Variants in YEATS2 observed in about 807,000 individuals in gnomAD.
YEATS2 encodes YEATS domain-containing protein 2.
In YEATS2, 77 loss-of-function variants were observed where a neutral mutation model predicts 163.2. The ratio of observed to expected loss-of-function variants is 0.47; its 90% CI spans 0.39 to 0.57. The LOEUF (loss-of-function observed/expected upper bound fraction) is 0.57. Ranked by LOEUF, YEATS2 falls within the 20% of genes least tolerant of loss-of-function variation. The pLI is 0.00. For synonymous variants in YEATS2, 631 were observed against 645.1 expected, an observed-to-expected ratio of 0.98 and a Z score of 0.33; for missense variants, 1,549 against 1,729.8, an observed-to-expected ratio of 0.90 and a Z score of 1.85.
chr3:183,741,782 A>G (rs915642866), intron 8 of YEATS2, among the ~76,000 whole-genome samples: 1 of 152,126 alleles, frequency 6.6e-6, no homozygotes, highest in African/African-American at 2.4e-5. Context: ...CTCCATCTCA[A>G]AAAGAAAAAA....
chr3:183,763,880 C>T (rs934011473), intron 15 of YEATS2, among the ~76,000 whole-genome samples: 9 of 151,968 alleles, frequency 5.9e-5, no homozygotes, highest in South Asian at 2.1e-4. Context: ...CCAGCCTGTC[C>T]GACGTGGTGA....
intron 25 of YEATS2, chr3:183,801,838 C>T (rs1258711467): frequency 2.2e-5 from 5 of 223,180 alleles, no homozygotes; most frequent in South Asian, 7.0e-5. Context: ...AAGCATTTAG[C>T]GTTTGCCTGC....
At chr3:183,701,309 G>C (rs530896670) in intron 1 of YEATS2, among the ~76,000 whole-genome samples, 2 of 151,948 alleles carry the variant, frequency 1.3e-5, no homozygotes, top group African/African-American at 4.8e-5. Context: ...GGATGATCTC[G>C]ATCTCCTGAC....
chr3:183,771,704 C>T (rs1722492864), intron 15 of YEATS2, among the ~76,000 whole-genome samples: 1 of 145,472 alleles, frequency 6.9e-6, no homozygotes, highest in Admixed American at 7.0e-5. Flanking sequence ...AGATGTGTGC[C>T]ACTGTACTGG....
intron 7 of YEATS2, among the ~76,000 whole-genome samples, chr3:183,732,190 C>T (rs1387798103): frequency 1.3e-5 from 2 of 150,440 alleles, no homozygotes; most frequent in African/African-American, 4.9e-5. Context: ...GTGGCTCAAG[C>T]CTGTAATCCC....
At chr3:183,790,675 T>C in intron 20 of YEATS2, 122 bp from the exon 21 acceptor site, 1 of 1,028,098 alleles carries the variant, frequency 9.7e-7, no homozygotes, top group Non-Finnish European at 1.4e-6. Flanking sequence ...TGGCATTTAC[T>C]AAGTAGTCAT....
At chr3:183,735,283 C>G (rs1718220094) in intron 7 of YEATS2, among the ~76,000 whole-genome samples, 1 of 152,174 alleles carries the variant, frequency 6.6e-6, no homozygotes, top group African/African-American at 2.4e-5. Context: ...AGTAGAATTT[C>G]CATTAATTGA....
intron 3 of YEATS2, among the ~76,000 whole-genome samples, chr3:183,717,999 AG>A (rs1716087490): frequency 6.6e-6 from 1 of 152,144 alleles, no homozygotes; most frequent in Non-Finnish European, 1.5e-5. Context: ...ATAGCACAGC[AG>A]GGTGACTACA....
intron 15 of YEATS2, among the ~76,000 whole-genome samples, chr3:183,770,375 C>CA (rs997333447): frequency 2.2e-4 from 33 of 146,926 alleles, no homozygotes; most frequent in African/African-American, 5.8e-4. Flanking sequence ...GACTCCGTCT[C>CA]AAAAAAAAAC....
intron 1 of YEATS2, among the ~76,000 whole-genome samples, chr3:183,705,457 A>G (rs1271407509): frequency 1.3e-5 from 2 of 152,112 alleles, no homozygotes; most frequent in Non-Finnish European, 1.5e-5. Context: ...TTGATACTAT[A>G]TTGTTGGATG....
At chr3:183,782,567 G>T (rs1185851179) in intron 19 of YEATS2, among the ~76,000 whole-genome samples, 1 of 151,956 alleles carries the variant, frequency 6.6e-6, no homozygotes, top group Admixed American at 6.6e-5. Flanking sequence ...AGGATTACAG[G>T]CGCCTGCCAC....
intron 17 of YEATS2, 144 bp from the exon 18 acceptor site, chr3:183,775,764 GGGTAGGT>G: frequency 8.8e-7 from 1 of 1,142,718 alleles, no homozygotes; most frequent in Non-Finnish European, 1.3e-6. Context: ...TCTTGTCACA[GGGTAGGT>G]AGATTACAGA....
At chr3:183,798,821 G>A in intron 22 of YEATS2, 70 bp from the exon 23 acceptor site, 3 of 1,225,538 alleles carry the variant, frequency 2.4e-6, no homozygotes, top group Non-Finnish European at 3.6e-6. Context: ...GTTGTCACCT[G>A]GAAGTAGATC....
chr3:183,798,066 C>T lies in YEATS2; in HGVS notation c.3226+15C>T. On this transcript the variant is annotated intron_variant, in intron 22 of 30. Transcript: ENST00000305135. ...TGTGAATAAAGGTGAGTCCCTTGCC[C>T]ACGGGTCGTCTGTGCTGTGGCTGCC... 1 of 1,612,714 alleles carries T rather than the reference C, an allele frequency of 6.2e-7. No individual in the cohort carries two copies. The highest frequency in any genetic ancestry group is 1.1e-5 in the South Asian group (1 of 90,994).
At chr3:183,797,544 CAATA>C (rs111590921) in intron 21 of YEATS2, among the ~76,000 whole-genome samples, 4,436 of 142,994 alleles carry the variant, frequency 0.031, 110 homozygotes, top group Middle Eastern at 0.079. Context: ...GTCTCTAACA[CAATA>C]AATAAATAAA....
At chr3:183,779,296 A>T (rs1322973894) in intron 19 of YEATS2, among the ~76,000 whole-genome samples, 1 of 152,192 alleles carries the variant, frequency 6.6e-6, no homozygotes, top group Non-Finnish European at 1.5e-5. Context: ...GATCTTTTCA[A>T]ATTACCAGCA....
intron 12 of YEATS2, among the ~76,000 whole-genome samples, chr3:183,757,907 A>C (rs903497208): frequency 3.9e-5 from 6 of 152,116 alleles, no homozygotes; most frequent in Non-Finnish European, 8.8e-5. Flanking sequence ...ATTTCATGAC[A>C]TTTTGTTTTA....
intron 8 of YEATS2, among the ~76,000 whole-genome samples, chr3:183,743,359 T>A (rs1719175635): frequency 6.6e-6 from 1 of 152,196 alleles, no homozygotes; most frequent in South Asian, 2.1e-4. Flanking sequence ...TTTATTTTTT[T>A]GAGACAGAGT....
intron 22 of YEATS2, among the ~76,000 whole-genome samples, chr3:183,798,294 T>C (rs1263443771): frequency 1.3e-5 from 2 of 152,052 alleles, no homozygotes; most frequent in Non-Finnish European, 1.5e-5. Context: ...TTATCTAAAG[T>C]TGAGTTGAGG....
Sources: allele counts gnomAD v4.1 joint callset (sites outside exome capture counted in the v4.1 genomes callset), GRCh38; gene constraint gnomAD v4.1.1; transcripts MANE v1.5; gene names NCBI Gene and HGNC (gene_info 2026-07-23, HGNC 2026-07-21).